The following PRKCH variants were observed in gnomAD, a reference collection of about 807,000 sequenced individuals.
PRKCH encodes the protein protein kinase C eta type.
PRKCH carries 28 observed loss-of-function variants against 82.5 expected under a neutral mutation model. The ratio of observed to expected loss-of-function variants is 0.34; its 90% CI spans 0.25 to 0.47. The LOEUF is 0.47. PRKCH is among the 20% of genes least tolerant of loss of function. The probability of loss-of-function intolerance (pLI) is 1.00; values close to 1 mark genes in which losing one functional copy is unlikely to be tolerated. For missense variants in PRKCH, 705 were observed against 881.8 expected, an observed-to-expected ratio of 0.80 and a Z score of 2.54; for synonymous variants, 322 against 327.4, an observed-to-expected ratio of 0.98 and a Z score of 0.18.
At chr14:61,224,691 C>T (rs2044682989) in intron 1 of PRKCH, among the ~76,000 whole-genome samples, 2 of 152,184 alleles carry the variant, frequency 1.3e-5, no homozygotes, top group South Asian at 4.1e-4. Context: ...ATCCATGTGT[C>T]CACATGACTT....
intron 1 of PRKCH, among the ~76,000 whole-genome samples, chr14:61,355,756 C>T (rs1400169867): frequency 2.0e-5 from 3 of 152,114 alleles, no homozygotes; most frequent in Non-Finnish European, 2.9e-5. Flanking sequence ...TCAGGGCCAA[C>T]TTTGTTAGTA....
chr14:61,461,149 C>T (rs564456824), intron 9 of PRKCH, among the ~76,000 whole-genome samples: 1 of 152,342 alleles, frequency 6.6e-6, no homozygotes, highest in East Asian at 1.9e-4. Context: ...GCCCATGCTG[C>T]TCCTGCCCCC....
At position 61,322,427 on chromosome 14, in the gene PRKCH, T is replaced by G; in HGVS notation, c.326T>G (p.Leu109Arg). The stretch of plus-strand genomic sequence containing the variant: ...TGCACCCTGCAGTTCCAGGAGCTGC[T>G]GCGCACGACCGGCGCCTCGGACACC... ...ANCTLQFQELLRTTGASDTFE... is the reference protein window; with the variant it reads ...ANCTLQFQELRRTTGASDTFE... The change falls in exon 1 of 14, where the codon CTG becomes CGG. Residue 109 changes from leucine (L) to arginine (R), a missense_variant. By Grantham distance (102) the Leu-to-Arg change is moderately radical. This residue lies in a region of PRKCH where 246 missense variants were observed against 308.0 expected (regional missense o/e 0.80). Transcript: ENST00000332981. The G allele has an allele frequency of 6.3e-7, 1 of 1,598,634 alleles. No homozygotes were observed. The highest frequency in any genetic ancestry group is 1.3e-5 in the African/African-American group (1 of 74,754).
intron 10 of PRKCH, among the ~76,000 whole-genome samples, chr14:61,512,326 A>AGAAAATCCAG (rs1406803167): frequency 6.7e-6 from 1 of 149,632 alleles, no homozygotes; most frequent in Non-Finnish European, 1.5e-5. Flanking sequence ...AGCCTCAGAG[A>AGAAAATCCAG]GAAAATCCAG....
intron 6 of PRKCH, 194 bp from the exon 7 acceptor site, chr14:61,453,032 C>A: frequency 1.6e-6 from 1 of 639,526 alleles, no homozygotes; most frequent in Non-Finnish European, 2.6e-6. Context: ...TGCCTTTCTG[C>A]TTCTGCAGAA....
intron 2 of PRKCH, among the ~76,000 whole-genome samples, chr14:61,412,163 G>A (rs1460692440): frequency 2.6e-5 from 4 of 152,158 alleles, no homozygotes; most frequent in Non-Finnish European, 5.9e-5. Context: ...ATTACCAGAT[G>A]TACAAAGAAG....
At chr14:61,406,198 A>G (rs1299187530) in intron 2 of PRKCH, among the ~76,000 whole-genome samples, 1 of 36,682 alleles carries the variant, frequency 2.7e-5, no homozygotes, top group Admixed American at 2.8e-4. Flanking sequence ...ACATACAGGA[A>G]AAAAAAAATG....
intron 1 of PRKCH, among the ~76,000 whole-genome samples, chr14:61,258,592 C>T (rs757838471): frequency 6.6e-6 from 1 of 152,136 alleles, no homozygotes; most frequent in African/African-American, 2.4e-5. Context: ...CATCAAATAA[C>T]CATTTTTACT....
At chr14:61,305,348 T>G (rs1461484319) in intron 1 of PRKCH, 2 of 124,626 alleles carry the variant, frequency 1.6e-5, no homozygotes, top group African/African-American at 5.8e-5. Context: ...CATGCCCAGC[T>G]TTTTTTTTTT....
At chr14:61,223,589 A>C (rs1566786002) in intron 1 of PRKCH, among the ~76,000 whole-genome samples, 1 of 151,710 alleles carries the variant, frequency 6.6e-6, no homozygotes, top group Non-Finnish European at 1.5e-5. Context: ...CTTTTCCCAC[A>C]CTCCATTAGA....
chr14:61,338,776 A>C (rs1004151374), intron 1 of PRKCH, among the ~76,000 whole-genome samples: 3 of 152,118 alleles, frequency 2.0e-5, no homozygotes, highest in African/African-American at 4.8e-5. Flanking sequence ...GCCTCATTAG[A>C]ACTCCAATAT....
chr14:61,437,293 G>T (rs1244736809), intron 2 of PRKCH, among the ~76,000 whole-genome samples: 1 of 152,144 alleles, frequency 6.6e-6, no homozygotes, highest in East Asian at 1.9e-4. Context: ...TTTTGATGAT[G>T]TTAAGCAAAA....
rs374539654 is a variant in PRKCH, at chr14:61,294,356, G to A, written c.-19+106688G>A. On this transcript the variant is annotated intron_variant, in intron 1 of 3. Coordinates refer to the PRKCH transcript ENST00000555185. Reference sequence around the variant, plus strand: ...AGGATGGTCTCGATCTCCTGACCTCGTGATCTGCCCGCCTCGGCCTCCCAA... The same window carrying A: ...AGGATGGTCTCGATCTCCTGACCTCATGATCTGCCCGCCTCGGCCTCCCAA... Among the ~76,000 whole-genome samples the A allele has an allele frequency of 3.3e-3, 498 of 152,134 alleles. 2 individuals are homozygous for A. Among genetic ancestry groups the A allele is most frequent in the African/African-American group, 0.011 (461 of 41,512 alleles).
intron 1 of PRKCH, among the ~76,000 whole-genome samples, chr14:61,344,992 A>G (rs1435085863): frequency 6.6e-6 from 1 of 152,164 alleles, no homozygotes; most frequent in Non-Finnish European, 1.5e-5. Flanking sequence ...CCTTATCATT[A>G]GGCTGGCCAA....
intron 1 of PRKCH, among the ~76,000 whole-genome samples, chr14:61,224,976 C>T (rs1278563933): frequency 6.6e-6 from 1 of 152,230 alleles, no homozygotes; most frequent in Non-Finnish European, 1.5e-5. Flanking sequence ...CACACATTGT[C>T]AGAAGAAGTT....
At chr14:61,284,215 G>A (rs182856087) in intron 1 of PRKCH, among the ~76,000 whole-genome samples, 18 of 152,352 alleles carry the variant, frequency 1.2e-4, no homozygotes, top group Admixed American at 1.0e-3. Context: ...CCGCACCTCA[G>A]GCTGGGAGAA....
intron 1 of PRKCH, among the ~76,000 whole-genome samples, chr14:61,215,688 C>G (rs903898476): frequency 1.3e-5 from 2 of 152,112 alleles, no homozygotes; most frequent in African/African-American, 4.8e-5. Flanking sequence ...CTTTTTGAAG[C>G]CTCTGCCCTG....
At chr14:61,234,724 T>C (rs910887428) in intron 1 of PRKCH, among the ~76,000 whole-genome samples, 2 of 152,250 alleles carry the variant, frequency 1.3e-5, no homozygotes, top group Admixed American at 1.3e-4. Flanking sequence ...TCTGGTTTTT[T>C]ATAGCACTCT....
At chr14:61,395,300 G>A (rs2031409) in intron 2 of PRKCH, among the ~76,000 whole-genome samples, 5 of 136,058 alleles carry the variant, frequency 3.7e-5, no homozygotes, top group Non-Finnish European at 6.2e-5. Context: ...GCCCCCCCCC[G>A]CATTTGCCTG....
Sources: allele counts gnomAD v4.1 joint callset (sites outside exome capture counted in the v4.1 genomes callset), GRCh38; gene constraint gnomAD v4.1.1; regional missense constraint gnomAD v4.1.1; transcripts MANE v1.5; gene names NCBI Gene and HGNC (gene_info 2026-07-23, HGNC 2026-07-21).